Variants in MYO1D observed in about 807,000 individuals in gnomAD.
MYO1D encodes the protein unconventional myosin-Id.
Under a neutral mutation model 122.0 loss-of-function variants are expected in MYO1D, and 83 were observed. The observed-to-expected ratio is 0.68, with a 90% confidence interval of 0.57 to 0.82. MYO1D has a LOEUF of 0.82. Among genes scored for constraint, MYO1D ranks in the 40% least tolerant of loss-of-function variants. The probability of loss-of-function intolerance (pLI) is 0.00; values close to 1 mark genes in which losing one functional copy is unlikely to be tolerated. For synonymous variants in MYO1D, 464 were observed against 446.9 expected (o/e 1.04, Z -0.48); for missense variants, 1,157 against 1,269.5 (o/e 0.91, Z 1.35).
At chr17:32,565,474 A>G (rs2087164318) in intron 21 of MYO1D, among the ~76,000 whole-genome samples, 1 of 152,208 alleles carries the variant, frequency 6.6e-6, no homozygotes, top group African/African-American at 2.4e-5. Context: ...GTGGCTGCTC[A>G]GATTCTGGAA....
chr17:32,640,308 C>T (rs891257397), intron 19 of MYO1D, among the ~76,000 whole-genome samples: 45 of 152,140 alleles, frequency 3.0e-4, no homozygotes, highest in African/African-American at 1.1e-3. Flanking sequence ...GCTTCTATAG[C>T]AGCATTTTTC....
At chr17:32,613,286 A>G (rs779615552) in intron 20 of MYO1D, among the ~76,000 whole-genome samples, 188 of 152,046 alleles carry the variant, frequency 1.2e-3, no homozygotes, top group Non-Finnish European at 2.5e-3. Flanking sequence ...AATCATACTG[A>G]CTCATTTTAT....
chr17:32,667,355 G>A (rs1338572979), intron 16 of MYO1D, among the ~76,000 whole-genome samples: 1 of 152,152 alleles, frequency 6.6e-6, no homozygotes, highest in African/African-American at 2.4e-5. Context: ...TTTTTAAAAT[G>A]CTGGTGCTCA....
At chr17:32,821,869 A>G (rs1437175714) in intron 1 of MYO1D, among the ~76,000 whole-genome samples, 1 of 152,178 alleles carries the variant, frequency 6.6e-6, no homozygotes, top group Non-Finnish European at 1.5e-5. Context: ...GGTTTTTAGG[A>G]AACAATAGGT....
At chr17:32,835,011 A>C (rs1267049729) in intron 1 of MYO1D, among the ~76,000 whole-genome samples, 1 of 152,174 alleles carries the variant, frequency 6.6e-6, no homozygotes, top group East Asian at 1.9e-4. Context: ...ACTCTGCTTC[A>C]AAAACAAAAA....
intron 21 of MYO1D, among the ~76,000 whole-genome samples, chr17:32,512,448 A>T (rs912304875): frequency 6.6e-6 from 1 of 152,236 alleles, no homozygotes; most frequent in Non-Finnish European, 1.5e-5. Context: ...CAGAGTCAGC[A>T]TCACAGAAGG....
At chr17:32,662,910 TTTC>T (rs1041227800) in intron 16 of MYO1D, among the ~76,000 whole-genome samples, 4 of 134,122 alleles carry the variant, frequency 3.0e-5, no homozygotes, top group African/African-American at 1.1e-4. Context: ...GTCGTGCTAC[TTTC>T]TTTTCTTTTT....
At position 32,494,681 on chromosome 17, in the gene MYO1D, T is replaced by C. The variant is rs1054631689; in HGVS notation, c.*78A>G. 3.5e-6 allele frequency: 5 copies of C among 1,446,152 alleles called. No homozygotes were observed. The highest frequency in any genetic ancestry group is 4.6e-6 in the Non-Finnish European group (5 of 1,086,304). 89.6% of individuals were successfully genotyped at this position (1,446,152 alleles called of 1,614,324 possible). ...CCTCGCAGCAGGTTTCTAGCGGGCA[T>C]GGGTTGGGAGGCAGCAGCTGGACTG... On this transcript the variant is annotated 3_prime_UTR_variant, in exon 22 of 22. Transcript: ENST00000318217.
intron 21 of MYO1D, among the ~76,000 whole-genome samples, chr17:32,587,200 A>G (rs1165863667): frequency 6.6e-6 from 1 of 152,182 alleles, no homozygotes; most frequent in East Asian, 1.9e-4. Flanking sequence ...AAGAACTAGG[A>G]CAATTCACTG....
At chr17:32,541,528 C>T (rs775712867) in intron 21 of MYO1D, among the ~76,000 whole-genome samples, 2 of 152,152 alleles carry the variant, frequency 1.3e-5, no homozygotes, top group African/African-American at 2.4e-5. Context: ...TCTGAATATA[C>T]TAGAAACCTT....
chr17:32,753,878 C>T (rs1159998481), intron 11 of MYO1D, among the ~76,000 whole-genome samples: 2 of 144,242 alleles, frequency 1.4e-5, no homozygotes, highest in Non-Finnish European at 3.0e-5. Flanking sequence ...GCCTGGGCAA[C>T]AGAGTGAGAC....
At chr17:32,812,423 G>T (rs1245360614) in intron 1 of MYO1D, among the ~76,000 whole-genome samples, 1 of 152,204 alleles carries the variant, frequency 6.6e-6, no homozygotes, top group Non-Finnish European at 1.5e-5. Context: ...AAAAAATGAG[G>T]ACAAGAGAGG....
Position 32,755,537 on chromosome 17 carries a change from TG to T in MYO1D, c.1421del (p.Ala474AspfsTer39), listed in dbSNP as rs1323974584. On this transcript the variant is annotated frameshift_variant, in exon 11 of 22. Coordinates refer to ENST00000318217, the MANE Select transcript of MYO1D (RefSeq NM_015194.3). LOFTEE classifies it high-confidence loss of function. Reference sequence around the variant, plus strand: ...CGTGTTTGCCCAATTTACTGTTAAGTGCTTCAAGAAACATTTCATCGGTGAC... The same window carrying T: ...CGTGTTTGCCCAATTTACTGTTAAGTCTTCAAGAAACATTTCATCGGTGAC... ...GKVTDEMFLE[A>X]LNSKLGKHAH... 1 of 1,613,870 alleles carries T rather than the reference TG, an allele frequency of 6.2e-7. No homozygotes were observed. The highest frequency in any genetic ancestry group is 8.5e-7 in the Non-Finnish European group (1 of 1,179,882).
At chr17:32,660,147 C>T (rs1432139759) in intron 16 of MYO1D, among the ~76,000 whole-genome samples, 2 of 152,106 alleles carry the variant, frequency 1.3e-5, no homozygotes, top group Non-Finnish European at 2.9e-5. Flanking sequence ...AAGTGTAAAC[C>T]CCTTTCTTTC....
chr17:32,835,014 A>C (rs2090808786), intron 1 of MYO1D, among the ~76,000 whole-genome samples: 1 of 152,140 alleles, frequency 6.6e-6, no homozygotes, highest in African/African-American at 2.4e-5. Context: ...CTGCTTCAAA[A>C]ACAAAAACAA....
intron 14 of MYO1D, among the ~76,000 whole-genome samples, chr17:32,725,776 C>T (rs1299120977): frequency 6.6e-6 from 1 of 150,518 alleles, no homozygotes; most frequent in Admixed American, 6.6e-5. Context: ...ATTCTACAAA[C>T]TACAAGCATA....
intron 11 of MYO1D, among the ~76,000 whole-genome samples, chr17:32,755,256 T>C (rs1190927490): frequency 6.6e-6 from 1 of 152,200 alleles, no homozygotes; most frequent in South Asian, 2.1e-4. Flanking sequence ...TTCTACCAAA[T>C]TGCATAGTCT....
intron 16 of MYO1D, among the ~76,000 whole-genome samples, chr17:32,693,905 G>C (rs2089137283): frequency 6.6e-6 from 1 of 152,196 alleles, no homozygotes; most frequent in Admixed American, 6.5e-5. Flanking sequence ...ATGTACTGTT[G>C]CTTCAATGTT....
chr17:32,707,381 A>C (rs2089321975), intron 16 of MYO1D, among the ~76,000 whole-genome samples: 1 of 152,192 alleles, frequency 6.6e-6, no homozygotes, highest in Non-Finnish European at 1.5e-5. Context: ...CTGTGGTCAA[A>C]AATTTAGAGA....
Sources: allele counts gnomAD v4.1 joint callset (sites outside exome capture counted in the v4.1 genomes callset), GRCh38; gene constraint gnomAD v4.1.1; transcripts MANE v1.5; gene names NCBI Gene and HGNC (gene_info 2026-07-23, HGNC 2026-07-21).